Variants in SLC2A1 observed in about 807,000 individuals in gnomAD.
The protein encoded by SLC2A1 is solute carrier family 2, facilitated glucose transporter member 1.
Under a neutral mutation model 46.6 loss-of-function variants are expected in SLC2A1, and 4 were observed. The ratio of observed to expected loss-of-function variants is 0.09; its 90% CI spans 0.04 to 0.20. The LOEUF (loss-of-function observed/expected upper bound fraction) is 0.20. Ranked by LOEUF, SLC2A1 falls within the 10% of genes least tolerant of loss-of-function variation. The pLI is 1.00. For missense variants in SLC2A1, 352 were observed against 667.0 expected (o/e 0.53, Z 5.20); for synonymous variants, 253 against 270.0 (o/e 0.94, Z 0.62).
chr1:42,953,154 AGCCAAAG>A (rs1347524148), intron 1 of SLC2A1, among the ~76,000 whole-genome samples: 1 of 152,254 alleles, frequency 6.6e-6, no homozygotes, highest in Non-Finnish European at 1.5e-5. Context: ...AGGCCTCAGT[AGCCAAAG>A]GCTCCATCAG....
chr1:42,927,256 G>C lies in SLC2A1; in HGVS notation c.1279-15C>G. 1 of 1,612,792 alleles carries C rather than the reference G, an allele frequency of 6.2e-7. No individual in the cohort carries two copies. The highest frequency in any genetic ancestry group is 8.5e-7 in the Non-Finnish European group (1 of 1,179,044). ...CCACACAGTTGCTGAAAGACACACA[G>C]ACACACTTGGTTGGAGTCATGACCC... On this transcript the variant is annotated splice_polypyrimidine_tract_variant and intron_variant, in intron 9 of 9. Coordinates refer to ENST00000426263, the MANE Select transcript of SLC2A1 (RefSeq NM_006516.4). The surrounding 1 kb of genome is among the most constrained non-coding windows in gnomAD (Gnocchi z 5.3).
At position 42,927,419 on chromosome 1, in the gene SLC2A1, G is replaced by A. The variant is rs13306752; in HGVS notation, c.1279-178C>T. ...GTACCTAGAATGTAACAGGCTCCAG[G>A]AGCACCATTCAAGGCTAAGGGGAGA... On this transcript the variant is annotated intron_variant, in intron 9 of 9. Transcript: ENST00000426263. The surrounding 1 kb of genome is among the most constrained non-coding windows in gnomAD (Gnocchi z 5.3). 3.9e-5 allele frequency among the ~76,000 whole-genome samples: 6 copies of A among 152,298 alleles called. No individual in the cohort carries two copies. In the East Asian group the frequency reaches 9.7e-4, roughly 25 times the overall value.
chr1:42,943,886 GCTTCGTTTGT>G (rs1643623222), intron 1 of SLC2A1, among the ~76,000 whole-genome samples: 3 of 152,246 alleles, frequency 2.0e-5, no homozygotes, highest in African/African-American at 7.2e-5. Context: ...AATGGCAACA[GCTTCGTTTGT>G]CACATTGGAG....
chr1:42,953,786 T>C (rs768905246), intron 1 of SLC2A1, among the ~76,000 whole-genome samples: 1 of 152,160 alleles, frequency 6.6e-6, no homozygotes, highest in Non-Finnish European at 1.5e-5. Context: ...TACGGGGGAT[T>C]TGAGGCTGGC....
In SLC2A1 at chr1:42,926,698, C is replaced by A. The variant is rs1383855294; in HGVS notation, c.*343G>T. The A allele has an allele frequency of 7.4e-7, 1 of 1,343,416 alleles. No individual in the cohort carries two copies. The highest frequency in any genetic ancestry group is 2.2e-5 in the Admixed American group (1 of 45,042). The allele number at this position is 1,343,416 out of a possible 1,614,324, so 83.2% of individuals were successfully genotyped here. On this transcript the variant is annotated 3_prime_UTR_variant, in exon 10 of 10. Coordinates refer to ENST00000426263, the MANE Select transcript of SLC2A1 (RefSeq NM_006516.4). ...TGGGTGAAGAAGGCAAGTGTCTCGA[C>A]AGGGCTTAGTCTCCACCCTCAGGCA...
At position 42,926,578 on chromosome 1, in the gene SLC2A1, A is replaced by G. The variant is rs186437621; in HGVS notation, c.*463T>C. On this transcript the variant is annotated 3_prime_UTR_variant, in exon 10 of 10. Transcript: ENST00000426263. ...GAGTGGGGAGATCCAGGCCAGCAGAACGGGTGGCCATAGCCACCTCCTGGG... is the reference window on the plus strand; with the variant it reads ...GAGTGGGGAGATCCAGGCCAGCAGAGCGGGTGGCCATAGCCACCTCCTGGG... 7.2e-5 allele frequency: 42 copies of G among 584,364 alleles called. No individual in the cohort carries two copies. The East Asian group carries it at 2.6e-3, about 36-fold the overall frequency. 36.2% of individuals were successfully genotyped at this position (584,364 alleles called of 1,614,324 possible). A position where few individuals can be genotyped will look rare whatever the true frequency, so the allele number is the denominator to read the frequency against.
At chr1:42,932,725 A>G (rs3820548) in intron 2 of SLC2A1, among the ~76,000 whole-genome samples, 99,564 of 152,088 alleles carry the variant, frequency 0.65, 32,840 homozygotes, top group Non-Finnish European at 0.7. Context: ...GCCAAACCAA[A>G]GCCTGCAGTC....
At chr1:42,951,360 GA>G (rs67822325) in intron 1 of SLC2A1, among the ~76,000 whole-genome samples, 19,185 of 151,936 alleles carry the variant, frequency 0.13, 3,101 homozygotes, top group African/African-American at 0.37. Flanking sequence ...GTTCAGGGGG[GA>G]AAAAAAGCAA....
intron 1 of SLC2A1, among the ~76,000 whole-genome samples, chr1:42,946,523 G>A (rs889069003): frequency 3.3e-5 from 5 of 152,142 alleles, no homozygotes; most frequent in Non-Finnish European, 5.9e-5. Flanking sequence ...AACCCTGGAG[G>A]GAAAGATTTC....
At chr1:42,952,931 C>G (rs910504312) in intron 1 of SLC2A1, among the ~76,000 whole-genome samples, 1 of 152,222 alleles carries the variant, frequency 6.6e-6, no homozygotes, top group African/African-American at 2.4e-5. Flanking sequence ...GCACAGACCA[C>G]ATGCTCCCCT....
At chr1:42,931,391 G>C (rs1643488630) in intron 2 of SLC2A1, among the ~76,000 whole-genome samples, 185 bp from the exon 3 acceptor site, 1 of 152,168 alleles carries the variant, frequency 6.6e-6, no homozygotes, top group African/African-American at 2.4e-5. Context: ...GAGAAACAAG[G>C]GGTTGGAGTT....
At chr1:42,944,140 G>A (rs753491854) in intron 1 of SLC2A1, among the ~76,000 whole-genome samples, 35 of 152,200 alleles carry the variant, frequency 2.3e-4, no homozygotes, top group Admixed American at 2.6e-4. Flanking sequence ...CACAAGGTGA[G>A]TAAGAGTGTG....
At chr1:42,941,937 G>C (rs1321342761) in intron 2 of SLC2A1, among the ~76,000 whole-genome samples, 1 of 152,246 alleles carries the variant, frequency 6.6e-6, no homozygotes, top group Non-Finnish European at 1.5e-5. Context: ...GACTCAGCAG[G>C]CCAAGCCTTC....
At chr1:42,931,287 C>G in intron 2 of SLC2A1, 81 bp from the exon 3 acceptor site, 1 of 1,422,624 alleles carries the variant, frequency 7.0e-7, no homozygotes, top group Non-Finnish European at 9.6e-7. Flanking sequence ...TGCACCCCTC[C>G]CTAAGAGAGG....
chr1:42,929,276 C>A lies in SLC2A1; in HGVS notation c.906G>T (p.Gly302=), dbSNP rs55693364. The A allele has an allele frequency of 2.2e-4, 356 of 1,613,894 alleles. 3 individuals carry two copies. The East Asian group carries it at 7.9e-3, about 36-fold the overall frequency. The change falls in exon 7 of 10, where the codon GGG becomes GGT. Residue 302 remains glycine (G), a synonymous_variant. Transcript: ENST00000426263. The surrounding 1 kb of genome is among the most constrained non-coding windows in gnomAD (Gnocchi z 6.0). The part of the protein sequence containing the change: ...YYSTSIFEKA[G]VQQPVYATIG... Reference sequence around the variant, plus strand: ...TGGTGGCATACACAGGCTGCTGCACCCCCGCCTTCTCGAAGATGCTCGTGG... The same window carrying A: ...TGGTGGCATACACAGGCTGCTGCACACCCGCCTTCTCGAAGATGCTCGTGG...
chr1:42,951,989 G>A (rs1374423131), intron 1 of SLC2A1: 5 of 412,052 alleles, frequency 1.2e-5, no homozygotes, highest in African/African-American at 1.0e-4. Flanking sequence ...ACCCTAGATG[G>A]GAGGGGGCAT....
chr1:42,931,659 C>T (rs188476260), intron 2 of SLC2A1, among the ~76,000 whole-genome samples: 38 of 151,824 alleles, frequency 2.5e-4, no homozygotes, highest in Middle Eastern at 3.4e-3. Context: ...AACCCTATCT[C>T]TACTAAAAAT....
intron 1 of SLC2A1, among the ~76,000 whole-genome samples, chr1:42,952,943 GA>G (rs1465646853): frequency 6.6e-6 from 1 of 152,152 alleles, no homozygotes; most frequent in African/African-American, 2.4e-5. Context: ...TGCTCCCCTG[GA>G]GCCTCAGTGC....
At chr1:42,937,213 A>T (rs1304668005) in intron 2 of SLC2A1, among the ~76,000 whole-genome samples, 2 of 152,164 alleles carry the variant, frequency 1.3e-5, no homozygotes, top group South Asian at 2.1e-4. Flanking sequence ...TGTACAGTAA[A>T]CCTCAGCACG....
Sources: allele counts gnomAD v4.1 joint callset (sites outside exome capture counted in the v4.1 genomes callset), GRCh38; gene constraint gnomAD v4.1.1; non-coding constraint Gnocchi (gnomAD v3.1); transcripts MANE v1.5; gene names NCBI Gene and HGNC (gene_info 2026-07-23, HGNC 2026-07-21).